PDSS2: variants seen among roughly 807,000 people sequenced by gnomAD.
The protein encoded by PDSS2 is decaprenyl diphosphate synthase subunit 2.
Under a neutral mutation model 44.5 loss-of-function variants are expected in PDSS2, and 31 were observed. That is an observed-to-expected ratio of 0.70 (90% CI 0.52 to 0.94). The LOEUF (loss-of-function observed/expected upper bound fraction) is 0.94. Ranked by LOEUF, PDSS2 falls within the 40% of genes least tolerant of loss-of-function variation. PDSS2 has a pLI of 0.00. For synonymous variants in PDSS2, 157 were observed against 180.3 expected, an observed-to-expected ratio of 0.87 and a Z score of 1.03; for missense variants, 452 against 482.2, an observed-to-expected ratio of 0.94 and a Z score of 0.59.
At chr6:107,416,182 C>T (rs1780652007) in intron 1 of PDSS2, among the ~76,000 whole-genome samples, 1 of 152,068 alleles carries the variant, frequency 6.6e-6, no homozygotes, top group African/African-American at 2.4e-5. Context: ...CGACAGAACT[C>T]TGTTCCCAGG....
At chr6:107,185,123 T>TAA (rs11317647) in intron 7 of PDSS2, among the ~76,000 whole-genome samples, 160 of 88,460 alleles carry the variant, frequency 1.8e-3, no homozygotes, top group African/African-American at 2.5e-3. Flanking sequence ...ACCTTATATC[T>TAA]AAAAAAAAAA....
intron 1 of PDSS2, among the ~76,000 whole-genome samples, chr6:107,431,285 C>A (rs1175674089): frequency 1.3e-5 from 2 of 152,152 alleles, no homozygotes; most frequent in African/African-American, 4.8e-5. Context: ...CAGGGTCTCA[C>A]TCTGCTGCCT....
At chr6:107,333,972 G>A (rs1283617814) in intron 2 of PDSS2, among the ~76,000 whole-genome samples, 1 of 152,192 alleles carries the variant, frequency 6.6e-6, no homozygotes, top group Non-Finnish European at 1.5e-5. Flanking sequence ...GCCCAAAGTA[G>A]AAAGGAAAGT....
intron 1 of PDSS2, among the ~76,000 whole-genome samples, chr6:107,429,184 G>A (rs1251821787): frequency 3.3e-5 from 5 of 152,142 alleles, no homozygotes; most frequent in Admixed American, 1.3e-4. Flanking sequence ...TAAAGGTTAC[G>A]CAGAGTGTAC....
At chr6:107,455,783 A>AAAC (rs1782022643) in intron 1 of PDSS2, among the ~76,000 whole-genome samples, 1 of 134,562 alleles carries the variant, frequency 7.4e-6, no homozygotes, top group African/African-American at 2.8e-5. Context: ...AAAAAAAAAA[A>AAAC]CTTAAGAAAT....
At chr6:107,310,919 CTTT>C (rs370360594) in intron 2 of PDSS2, among the ~76,000 whole-genome samples, 1 of 140,908 alleles carries the variant, frequency 7.1e-6, no homozygotes. Flanking sequence ...CAAAAATAAA[CTTT>C]TTTTTTTTTT....
intron 1 of PDSS2, among the ~76,000 whole-genome samples, chr6:107,348,954 G>C (rs1778339093): frequency 6.6e-6 from 1 of 152,138 alleles, no homozygotes; most frequent in Non-Finnish European, 1.5e-5. Flanking sequence ...ATAAGTGGTA[G>C]AGCCATGATT....
At chr6:107,429,190 T>C (rs1781094739) in intron 1 of PDSS2, among the ~76,000 whole-genome samples, 1 of 152,076 alleles carries the variant, frequency 6.6e-6, no homozygotes. Flanking sequence ...TTACGCAGAG[T>C]GTACTAGGTG....
intron 2 of PDSS2, among the ~76,000 whole-genome samples, chr6:107,306,263 G>T (rs979632699): frequency 6.6e-6 from 1 of 152,178 alleles, no homozygotes. Flanking sequence ...GGAAGTAACT[G>T]AATCATGGGG....
At chr6:107,344,232 T>C (rs893379902) in intron 1 of PDSS2, among the ~76,000 whole-genome samples, 8 of 152,162 alleles carry the variant, frequency 5.3e-5, no homozygotes, top group Non-Finnish European at 1.0e-4. Flanking sequence ...ACAGCAATAT[T>C]ACTCAGTTAT....
At position 107,441,285 on chromosome 6, in the gene PDSS2, T is replaced by C. The variant is rs150871862; in HGVS notation, c.296+17705A>G. On this transcript the variant is annotated intron_variant, in intron 1 of 7. Transcript: ENST00000369037. ...ACCAACATTTCTTTTGGCCAGAAAT[T>C]AGTCACACAGTCACACCCAGCAGTA... Among the ~76,000 whole-genome samples, 1,020 of 152,288 alleles carry C rather than the reference T, an allele frequency of 6.7e-3. 12 individuals are homozygous for C. The highest frequency in any genetic ancestry group is 0.017 in the Middle Eastern group (5 of 294).
chr6:107,221,465 G>A (rs1455229830), intron 4 of PDSS2, among the ~76,000 whole-genome samples: 3 of 73,898 alleles, frequency 4.1e-5, no homozygotes, highest in East Asian at 1.2e-3. Context: ...TACTTTTGAC[G>A]GGATTTCCTT....
At chr6:107,417,127 A>T (rs1780686530) in intron 1 of PDSS2, among the ~76,000 whole-genome samples, 1 of 152,148 alleles carries the variant, frequency 6.6e-6, no homozygotes, top group African/African-American at 2.4e-5. Flanking sequence ...TAAGACAATA[A>T]TTTCACTATA....
chr6:107,346,065 C>T (rs1468750052), intron 1 of PDSS2, among the ~76,000 whole-genome samples: 1 of 152,094 alleles, frequency 6.6e-6, no homozygotes, highest in Non-Finnish European at 1.5e-5. Flanking sequence ...CTATAATAGT[C>T]GCATCTCTCA....
rs372483898 is a variant in PDSS2 at position 107,253,494 on chromosome 6, T to C, written c.631-7875A>G. ...CTTCATAAAGATAAAGGCCATTTAT[T>C]GGTTTTTGATCACTCAGAAGGTTAA... On this transcript the variant is annotated intron_variant, in intron 3 of 7. Transcript: ENST00000369037. Among the ~76,000 whole-genome samples, 130 of 152,384 alleles carry C rather than the reference T, an allele frequency of 8.5e-4. 3 individuals are homozygous for C. The highest frequency in any genetic ancestry group is 6.8e-3 in the Middle Eastern group (2 of 294).
intron 4 of PDSS2, among the ~76,000 whole-genome samples, chr6:107,239,718 T>G (rs1191995291): frequency 7.0e-6 from 1 of 142,204 alleles, no homozygotes; most frequent in Non-Finnish European, 1.5e-5. Context: ...TTCGGCTCAC[T>G]GCAACCTCCG....
chr6:107,401,095 A>G (rs1290597287), intron 1 of PDSS2, among the ~76,000 whole-genome samples: 4 of 152,204 alleles, frequency 2.6e-5, no homozygotes, highest in Admixed American at 2.0e-4. Context: ...TCTCACCTGT[A>G]AGTATCAATT....
At chr6:107,349,141 T>C (rs1292441343) in intron 1 of PDSS2, among the ~76,000 whole-genome samples, 1 of 152,134 alleles carries the variant, frequency 6.6e-6, no homozygotes, top group African/African-American at 2.4e-5. Flanking sequence ...GGTATATAAA[T>C]TACAAATAAG....
At chr6:107,213,852 T>A (rs1038085316) in intron 4 of PDSS2, among the ~76,000 whole-genome samples, 14 of 152,152 alleles carry the variant, frequency 9.2e-5, no homozygotes, top group African/African-American at 3.4e-4. Context: ...GAAAGTTTAT[T>A]CTCATAAGAA....
Sources: allele counts gnomAD v4.1 joint callset (sites outside exome capture counted in the v4.1 genomes callset), GRCh38; gene constraint gnomAD v4.1.1; transcripts MANE v1.5; gene names NCBI Gene and HGNC (gene_info 2026-07-23, HGNC 2026-07-21).